Variants in SGMS1 observed in about 807,000 individuals in gnomAD.
SGMS1 encodes the protein sphingomyelin synthase 1, also known as phosphatidylcholine:ceramide cholinephosphotransferase 1.
A neutral mutation model predicts 46.2 loss-of-function variants in SGMS1; 13 were observed. That is an observed-to-expected ratio of 0.28 (90% CI 0.18 to 0.45). The LOEUF is 0.45. Among genes scored for constraint, SGMS1 ranks in the 20% least tolerant of loss-of-function variants. The probability of loss-of-function intolerance (pLI) is 1.00; values close to 1 mark genes in which losing one functional copy is unlikely to be tolerated. For missense variants in SGMS1, 324 were observed against 519.9 expected (o/e 0.62, Z 3.66); for synonymous variants, 203 against 187.8 (o/e 1.08, Z -0.66).
chr10:50,524,604 T>C (rs1187343103), intron 2 of SGMS1, among the ~76,000 whole-genome samples: 2 of 152,188 alleles, frequency 1.3e-5, no homozygotes, highest in Non-Finnish European at 2.9e-5. Context: ...ACATGTATGA[T>C]CTTATTTAGT....
At chr10:50,529,468 G>C (rs1250904812) in intron 2 of SGMS1, among the ~76,000 whole-genome samples, 2 of 152,160 alleles carry the variant, frequency 1.3e-5, no homozygotes, top group African/African-American at 4.8e-5. Flanking sequence ...AGAGGAAAAA[G>C]GTGTGAGGGG....
chr10:50,554,389 T>C (rs1197018195), intron 2 of SGMS1, among the ~76,000 whole-genome samples: 1 of 151,942 alleles, frequency 6.6e-6, no homozygotes, highest in East Asian at 1.9e-4. Context: ...AAATGAAAAA[T>C]TTAAACGTTA....
chr10:50,518,747 A>G (rs908664595), intron 3 of SGMS1, among the ~76,000 whole-genome samples: 1 of 152,200 alleles, frequency 6.6e-6, no homozygotes, highest in Non-Finnish European at 1.5e-5. Context: ...CCATATAAAC[A>G]GTTTCAAAAT....
At chr10:50,387,056 A>C (rs1158685762) in intron 6 of SGMS1, among the ~76,000 whole-genome samples, 1 of 152,174 alleles carries the variant, frequency 6.6e-6, no homozygotes, top group African/African-American at 2.4e-5. Flanking sequence ...TGAGCGGAGG[A>C]GTCCCAACAA....
At chr10:50,503,127 T>C (rs1237548079) in intron 3 of SGMS1, among the ~76,000 whole-genome samples, 1 of 152,214 alleles carries the variant, frequency 6.6e-6, no homozygotes, top group East Asian at 1.9e-4. Flanking sequence ...CTATTTGTAA[T>C]GTCTACAGAA....
At chr10:50,420,046 C>G (rs1348779069) in intron 6 of SGMS1, among the ~76,000 whole-genome samples, 2 of 152,178 alleles carry the variant, frequency 1.3e-5, no homozygotes, top group Non-Finnish European at 2.9e-5. Flanking sequence ...CTGAGGATCT[C>G]TAAGAGTGTT....
intron 6 of SGMS1, among the ~76,000 whole-genome samples, chr10:50,413,586 T>C (rs1287333997): frequency 6.6e-6 from 1 of 152,206 alleles, no homozygotes; most frequent in Non-Finnish European, 1.5e-5. Flanking sequence ...CTGTGCACTG[T>C]AGGATGTTTA....
rs193000091 is a variant in SGMS1, at chr10:50,407,552, C to T, written c.-232+25924G>A. 3.9e-5 allele frequency among the ~76,000 whole-genome samples: 6 copies of T among 152,206 alleles called. No individual in the cohort carries two copies. In the East Asian group the frequency reaches 9.6e-4, roughly 24 times the overall value. On this transcript the variant is annotated intron_variant, in intron 6 of 10. Transcript: ENST00000361781. Reference sequence around the variant, plus strand: ...TCCAAACGGCCTCCTCCAATTGTCCCTTCAACCTGGGGTTGGTAATGACTT... The same window carrying T: ...TCCAAACGGCCTCCTCCAATTGTCCTTTCAACCTGGGGTTGGTAATGACTT...
intron 2 of SGMS1, among the ~76,000 whole-genome samples, chr10:50,554,187 G>A (rs892864458): frequency 1.3e-5 from 2 of 152,054 alleles, no homozygotes; most frequent in Non-Finnish European, 2.9e-5. Context: ...AAAACTTTAA[G>A]AGCCTTCTAT....
chr10:50,552,404 G>A (rs1838156194), intron 2 of SGMS1, among the ~76,000 whole-genome samples: 1 of 152,150 alleles, frequency 6.6e-6, no homozygotes, highest in Non-Finnish European at 1.5e-5. Flanking sequence ...GAAGTGTTTT[G>A]TAATCAACTA....
In SGMS1 at chr10:50,405,986, G is replaced by A. The variant is rs1176765683; in HGVS notation, c.-232+27490C>T. 2.0e-5 allele frequency among the ~76,000 whole-genome samples: 3 copies of A among 152,180 alleles called. No individual in the cohort carries two copies. The East Asian group carries it at 5.8e-4, about 29-fold the overall frequency. On this transcript the variant is annotated intron_variant, in intron 6 of 10. Coordinates refer to ENST00000361781, the MANE Select transcript of SGMS1 (RefSeq NM_147156.4). ...ATGTGAGCATTCTAAGGAAAATGAT[G>A]AAGTACTACTGGAAGGAAAACCCCA...
At chr10:50,370,855 G>A (rs181464555) in intron 6 of SGMS1, among the ~76,000 whole-genome samples, 33 of 152,074 alleles carry the variant, frequency 2.2e-4, no homozygotes, top group African/African-American at 7.5e-4. Context: ...GAAGGTCTTC[G>A]GGGCAATAAC....
rs78377198 is a variant in SGMS1 at position 50,437,277 on chromosome 10, G to C, written c.-312-3721C>G. On this transcript the variant is annotated intron_variant, in intron 5 of 10. Transcript: ENST00000361781. ...AGGGCTTGGGGTGATATCTCATGTA[G>C]CAATAAAGGGCAAATTGTCTGCTCT... Among the ~76,000 whole-genome samples, 1,306 of 152,254 alleles carry C rather than the reference G, an allele frequency of 8.6e-3. 19 individuals are homozygous for C. Among genetic ancestry groups the C allele is most frequent in the African/African-American group, 0.03 (1,243 of 41,528 alleles).
Position 50,343,860 on chromosome 10 carries a change from G to A in SGMS1, c.255C>T (p.Leu85=). ...GGGTGGGGATGTCTACGCCAATGTT[G>A]AGGTGCCCATTGGCATGGCCGTTCT... ...AHKNGHANGH[L]NIGVDIPTPD... The change falls in exon 7 of 11, where the codon CTC becomes CTT. Residue 85 remains leucine (L), a synonymous_variant. Coordinates refer to ENST00000361781, the MANE Select transcript of SGMS1 (RefSeq NM_147156.4). 2 of 1,614,136 alleles carry A rather than the reference G, an allele frequency of 1.2e-6. No individual in the cohort carries two copies.
chr10:50,400,008 G>A (rs1304563806), intron 6 of SGMS1, among the ~76,000 whole-genome samples: 1 of 145,528 alleles, frequency 6.9e-6, no homozygotes, highest in Non-Finnish European at 1.5e-5. Flanking sequence ...CAGCCTGGGC[G>A]ACACAGTGAG....
At chr10:50,561,455 T>C (rs1022891612) in intron 2 of SGMS1, among the ~76,000 whole-genome samples, 2 of 152,216 alleles carry the variant, frequency 1.3e-5, no homozygotes, top group African/African-American at 4.8e-5. Flanking sequence ...TTTCTGGGAT[T>C]CCTTCCAGCT....
intron 6 of SGMS1, among the ~76,000 whole-genome samples, chr10:50,432,902 C>G (rs1849422693): frequency 6.6e-6 from 1 of 152,160 alleles, no homozygotes. Context: ...ACCCCACTTA[C>G]TAACATTATT....
At chr10:50,582,433 G>A (rs924407822) in intron 2 of SGMS1, among the ~76,000 whole-genome samples, 5 of 152,174 alleles carry the variant, frequency 3.3e-5, no homozygotes, top group South Asian at 2.1e-4. Flanking sequence ...GCTGGCGGTC[G>A]TGAGAGCAGC....
rs114380111 is a variant in SGMS1, at chr10:50,538,907, G to C, written c.-588-18986C>G. Among the ~76,000 whole-genome samples, 1,417 of 152,316 alleles carry C rather than the reference G, an allele frequency of 9.3e-3. 27 individuals carry two copies. The highest frequency in any genetic ancestry group is 0.032 in the African/African-American group (1,329 of 41,568). On this transcript the variant is annotated intron_variant, in intron 2 of 10. Coordinates refer to ENST00000361781, the MANE Select transcript of SGMS1 (RefSeq NM_147156.4). The stretch of plus-strand genomic sequence containing the variant: ...CCAGGGTTAAAGTCTGCCATGAAAT[G>C]CCTTCTCATCAACACCCTGGATTTC...
Sources: gnomAD v4.1 joint callset for allele counts (sites outside exome capture counted in the v4.1 genomes callset) on GRCh38, gnomAD v4.1.1 for gene constraint, MANE v1.5 for transcripts, NCBI Gene and HGNC (gene_info 2026-07-23, HGNC 2026-07-21) for gene names.